The following RPTOR variants were observed in gnomAD, a reference collection of about 807,000 sequenced individuals.
RPTOR encodes regulatory-associated protein of mTOR.
A neutral mutation model predicts 169.9 loss-of-function variants in RPTOR; 21 were observed. The ratio of observed to expected loss-of-function variants is 0.12; its 90% CI spans 0.09 to 0.18. The LOEUF (loss-of-function observed/expected upper bound fraction) is 0.18. RPTOR is among the 10% of genes least tolerant of loss of function. RPTOR has a pLI of 1.00. For missense variants in RPTOR, 1,133 were observed against 1,855.9 expected, an observed-to-expected ratio of 0.61 and a Z score of 7.16; for synonymous variants, 732 against 753.2, an observed-to-expected ratio of 0.97 and a Z score of 0.46.
chr17:80,572,696 G>A (rs886986649), intron 1 of RPTOR, among the ~76,000 whole-genome samples: 4 of 152,154 alleles, frequency 2.6e-5, no homozygotes, highest in Non-Finnish European at 5.9e-5. Context: ...GCACACTCCA[G>A]CCTGGGTGAC....
Position 80,961,492 on chromosome 17 carries a change from C to G in RPTOR, c.3692+12C>G, listed in dbSNP as rs371123387. ...ATCGTGAGTGTGAGGTGAGGAGCGC[C>G]GATATTTAGCAGCCGTTCTGCTGTA... On this transcript the variant is annotated intron_variant, in intron 31 of 33. Coordinates refer to ENST00000306801, the MANE Select transcript of RPTOR (RefSeq NM_020761.3). The G allele has an allele frequency of 6.5e-7, 1 of 1,547,654 alleles. No homozygotes were observed. The highest frequency in any genetic ancestry group is 8.7e-7 in the Non-Finnish European group (1 of 1,146,000).
At chr17:80,854,254 T>G (rs1437199064) in intron 11 of RPTOR, among the ~76,000 whole-genome samples, 2 of 152,244 alleles carry the variant, frequency 1.3e-5, no homozygotes, top group Admixed American at 1.3e-4. Context: ...TGGGCTAGTA[T>G]TGTCCCACAA....
At chr17:80,737,226 C>T (rs950495563) in intron 5 of RPTOR, among the ~76,000 whole-genome samples, 1 of 152,162 alleles carries the variant, frequency 6.6e-6, no homozygotes, top group East Asian at 1.9e-4. Flanking sequence ...CCCATCACTG[C>T]GTGTCTGTGA....
At chr17:80,800,080 G>A (rs930874961) in intron 7 of RPTOR, among the ~76,000 whole-genome samples, 10 of 152,198 alleles carry the variant, frequency 6.6e-5, no homozygotes, top group African/African-American at 1.4e-4. Context: ...TCAGGACCCC[G>A]CTGTCTGGGG....
chr17:80,886,767 G>A (rs1020488896), intron 17 of RPTOR, among the ~76,000 whole-genome samples: 16 of 152,166 alleles, frequency 1.1e-4, no homozygotes, highest in African/African-American at 3.1e-4. Context: ...GATGTGGCCC[G>A]CGAGGACACC....
chr17:80,814,873 C>T (rs1313522769), intron 7 of RPTOR, among the ~76,000 whole-genome samples: 4 of 152,136 alleles, frequency 2.6e-5, no homozygotes, highest in Admixed American at 2.0e-4. Context: ...CAGGGAACCC[C>T]TGGGTTGGTG....
chr17:80,896,841 A>C (rs941901353), intron 20 of RPTOR, among the ~76,000 whole-genome samples: 2 of 152,156 alleles, frequency 1.3e-5, no homozygotes, highest in Non-Finnish European at 2.9e-5. Flanking sequence ...CCATTTACTT[A>C]AGTCTTCTTT....
chr17:80,922,588 A>G (rs1345933722), intron 21 of RPTOR, 136 bp from the exon 22 acceptor site: 2 of 714,430 alleles, frequency 2.8e-6, no homozygotes, highest in Non-Finnish European at 2.4e-6. Context: ...GGGGCCTTCC[A>G]TTGGTGTTGG....
intron 23 of RPTOR, 77 bp downstream of exon 23, chr17:80,923,750 C>T: frequency 7.1e-7 from 1 of 1,413,848 alleles, no homozygotes; most frequent in Non-Finnish European, 9.5e-7. Context: ...GCCTCAGCCT[C>T]AGGCTGCTCA....
At chr17:80,873,829 G>T (rs1248735931) in intron 13 of RPTOR, among the ~76,000 whole-genome samples, 2 of 152,244 alleles carry the variant, frequency 1.3e-5, no homozygotes, top group Non-Finnish European at 2.9e-5. Context: ...GGAGGGCATT[G>T]CTTACCATGA....
chr17:80,765,681 G>C (rs1286145076), intron 6 of RPTOR, among the ~76,000 whole-genome samples: 1 of 152,104 alleles, frequency 6.6e-6, no homozygotes, highest in East Asian at 1.9e-4. Flanking sequence ...TCTCTCTCCT[G>C]CCCAGCGTCT....
intron 6 of RPTOR, chr17:80,774,425 A>G: frequency 1.1e-6 from 1 of 883,956 alleles, no homozygotes; most frequent in Non-Finnish European, 1.4e-6. Flanking sequence ...AGGACTTGTC[A>G]AAGCAGACGT....
intron 13 of RPTOR, 23 bp downstream of exon 13, chr17:80,857,923 C>T (rs1276009056): frequency 6.3e-7 from 1 of 1,578,856 alleles, no homozygotes; most frequent in African/African-American, 1.3e-5. Flanking sequence ...GCCCTCCTCC[C>T]CAGAGTGATG....
intron 6 of RPTOR, among the ~76,000 whole-genome samples, chr17:80,759,894 A>G (rs975256360): frequency 6.6e-6 from 1 of 152,142 alleles, no homozygotes; most frequent in Non-Finnish European, 1.5e-5. Flanking sequence ...TTTTTGATGT[A>G]TTGCCTGTTG....
intron 9 of RPTOR, among the ~76,000 whole-genome samples, chr17:80,835,171 C>G (rs1452721635): frequency 1.3e-5 from 2 of 152,050 alleles, no homozygotes; most frequent in African/African-American, 4.8e-5. Flanking sequence ...GCAAAGAGGG[C>G]CAGTCTTGGG....
chr17:80,911,196 T>G (rs879733944), intron 21 of RPTOR, among the ~76,000 whole-genome samples: 1 of 152,190 alleles, frequency 6.6e-6, no homozygotes, highest in Non-Finnish European at 1.5e-5. Flanking sequence ...AGGTCCAGAT[T>G]GTTTAATTCT....
chr17:80,826,858 G>A (rs2067449589), intron 9 of RPTOR, among the ~76,000 whole-genome samples: 1 of 152,276 alleles, frequency 6.6e-6, no homozygotes, highest in Non-Finnish European at 1.5e-5. Context: ...TGGCCTGGGT[G>A]GCTTTGGGGT....
At chr17:80,702,933 G>T (rs921293704) in intron 3 of RPTOR, among the ~76,000 whole-genome samples, 3 of 152,162 alleles carry the variant, frequency 2.0e-5, no homozygotes, top group African/African-American at 7.2e-5. Flanking sequence ...AAAAACTGCC[G>T]CAGCAGTAAT....
intron 22 of RPTOR, among the ~76,000 whole-genome samples, 193 bp downstream of exon 22, chr17:80,923,020 C>T (rs2143979207): frequency 6.6e-6 from 1 of 152,330 alleles, no homozygotes; most frequent in Non-Finnish European, 1.5e-5. Flanking sequence ...CTGAGCCCTG[C>T]CTTGAGCTCT....
Sources: allele counts gnomAD v4.1 joint callset (sites outside exome capture counted in the v4.1 genomes callset), GRCh38; gene constraint gnomAD v4.1.1; transcripts MANE v1.5; gene names NCBI Gene and HGNC (gene_info 2026-07-23, HGNC 2026-07-21).